FMNL1: variants seen among roughly 807,000 people sequenced by gnomAD.
FMNL1 encodes the protein formin like 1.
FMNL1 carries 43 observed loss-of-function variants against 121.3 expected under a neutral mutation model. The ratio of observed to expected loss-of-function variants is 0.35; its 90% CI spans 0.28 to 0.46. The LOEUF is 0.46. Ranked by LOEUF, FMNL1 falls within the 20% of genes least tolerant of loss-of-function variation. The probability of loss-of-function intolerance (pLI) is 1.00; values close to 1 mark genes in which losing one functional copy is unlikely to be tolerated. For missense variants in FMNL1, 1,191 were observed against 1,482.4 expected (o/e 0.80, Z 3.23); for synonymous variants, 613 against 613.5 (o/e 1.00, Z 0.01).
chr17:45,241,339 G>A lies in FMNL1; in HGVS notation c.1333-43G>A, dbSNP rs759054832. ...GAAGAAGATGGAGGCTTGGTGCCAAGGAGCCTGCTGGTGGGCACTGACCCC... is the reference window on the plus strand; with the variant it reads ...GAAGAAGATGGAGGCTTGGTGCCAAAGAGCCTGCTGGTGGGCACTGACCCC... On this transcript the variant is annotated intron_variant, in intron 13 of 26. Transcript: ENST00000331495. The surrounding 1 kb of genome is among the most constrained non-coding windows in gnomAD (Gnocchi z 7.0). 1.9e-6 allele frequency: 3 copies of A among 1,586,904 alleles called. No individual in the cohort carries two copies. In the Admixed American group the frequency reaches 5.3e-5, roughly 28 times the overall value.
chr17:45,229,986 CCT>C (rs961600648), intron 1 of FMNL1, among the ~76,000 whole-genome samples: 1 of 152,218 alleles, frequency 6.6e-6, no homozygotes, highest in Non-Finnish European at 1.5e-5. Flanking sequence ...CTCCCCCAGC[CCT>C]CTCCTTCCTT....
At chr17:45,229,509 A>G (rs1312061049) in intron 1 of FMNL1, among the ~76,000 whole-genome samples, 1 of 152,200 alleles carries the variant, frequency 6.6e-6, no homozygotes, top group Non-Finnish European at 1.5e-5. Flanking sequence ...AGGGTCTCCC[A>G]CATCCCCGAT....
intron 1 of FMNL1, among the ~76,000 whole-genome samples, chr17:45,227,777 T>C (rs1394090683): frequency 6.6e-6 from 1 of 152,158 alleles, no homozygotes; most frequent in African/African-American, 2.4e-5. Flanking sequence ...TCTCACTGAG[T>C]GTTCCAGGAG....
In FMNL1 at chr17:45,237,084, C is replaced by G. The variant is rs1178163337; in HGVS notation, c.724-197C>G. Reference sequence around the variant, plus strand: ...GGTGAGCTGAGATGGCGCCACTGCGCTCCAGCCTGGGTGACAGAGGGAAAC... The same window carrying G: ...GGTGAGCTGAGATGGCGCCACTGCGGTCCAGCCTGGGTGACAGAGGGAAAC... On this transcript the variant is annotated intron_variant, in intron 7 of 26. Transcript: ENST00000331495. The surrounding 1 kb of genome is among the most constrained non-coding windows in gnomAD (Gnocchi z 4.4). 6.6e-6 allele frequency among the ~76,000 whole-genome samples: 1 copy of G among 152,210 alleles called. No homozygotes were observed. The highest frequency in any genetic ancestry group is 2.4e-5 in the African/African-American group (1 of 41,452).
chr17:45,230,701 C>G lies in FMNL1; in HGVS notation c.213+14C>G. 1 of 1,613,054 alleles carries G rather than the reference C, an allele frequency of 6.2e-7. No individual in the cohort carries two copies. Among genetic ancestry groups the G allele is most frequent in the South Asian group, 1.1e-5 (1 of 91,054 alleles). On this transcript the variant is annotated intron_variant, in intron 2 of 26. Transcript: ENST00000331495. ...ATCTGTGATCAGGTAGGTGCCAGCA[C>G]TGCCCAGCCACCCCTTCCCTCCCAC...
rs73319101 is a variant in FMNL1 at position 45,231,677 on chromosome 17, C to G, written c.214-690C>G. Among the ~76,000 whole-genome samples the G allele has an allele frequency of 0.013, 1,971 of 152,066 alleles. 39 individuals carry two copies. Among genetic ancestry groups the G allele is most frequent in the African/African-American group, 0.045 (1,858 of 41,460 alleles). On this transcript the variant is annotated intron_variant, in intron 2 of 26. Coordinates refer to ENST00000331495, the MANE Select transcript of FMNL1 (RefSeq NM_005892.4). This position sits in a 1 kb window ranked among gnomAD's most constrained non-coding sequence, Gnocchi z 4.7. ...CTCTTTGTGTGAGTGGCCGCTGGAG[C>G]CTGCAGTGGGGTGGGGGGATTAGGA...
intron 1 of FMNL1, among the ~76,000 whole-genome samples, chr17:45,227,848 G>C (rs886169980): frequency 1.3e-5 from 2 of 152,162 alleles, no homozygotes; most frequent in African/African-American, 2.4e-5. Context: ...GGAAGCTGAG[G>C]TCCAAGGGGG....
intron 1 of FMNL1, among the ~76,000 whole-genome samples, chr17:45,229,395 G>A (rs546421901): frequency 6.6e-6 from 1 of 152,326 alleles, no homozygotes; most frequent in African/African-American, 2.4e-5. Flanking sequence ...TGGCTGGGGA[G>A]TCTCAGGTGG....
intron 17 of FMNL1, 40 bp from the exon 18 acceptor site, chr17:45,243,751 T>G (rs1598210402): frequency 6.4e-7 from 1 of 1,574,692 alleles, no homozygotes; most frequent in Non-Finnish European, 8.7e-7. Flanking sequence ...GACTGGTGGG[T>G]ATGGATGATG....
intron 1 of FMNL1, among the ~76,000 whole-genome samples, chr17:45,225,858 T>G (rs1046096092): frequency 6.6e-6 from 1 of 152,126 alleles, no homozygotes; most frequent in African/African-American, 2.4e-5. Flanking sequence ...AAGAGAATAA[T>G]AATGGCATCT....
At position 45,246,955 on chromosome 17, in the gene FMNL1, C is replaced by G. The variant is rs775966160; in HGVS notation, c.*97C>G. The G allele has an allele frequency of 1.3e-6, 1 of 751,190 alleles. No homozygotes were observed. Among genetic ancestry groups the G allele is most frequent in the Admixed American group, 1.8e-5 (1 of 56,944 alleles). 46.5% of individuals were successfully genotyped at this position (751,190 alleles called of 1,614,324 possible). ...CGGGCCCCCCACTGCAGGTCACCTCCGACCTCTCGCTGTAGCCGCTATTTC... is the reference window on the plus strand; with the variant it reads ...CGGGCCCCCCACTGCAGGTCACCTCGGACCTCTCGCTGTAGCCGCTATTTC... On this transcript the variant is annotated 3_prime_UTR_variant, in exon 27 of 27. Coordinates refer to ENST00000331495, the MANE Select transcript of FMNL1 (RefSeq NM_005892.4).
Position 45,242,026 on chromosome 17 carries a change from C to T in FMNL1, c.1765C>T (p.Pro589Ser), listed in dbSNP as rs1258794359. ...GCCCGGAGACCTGCCGCCCCCACCC[C>T]CGCCACCGCCACCACCTCCGGGCAC... Reference protein sequence around the residue: ...PLPGDLPPPPPPPPPPPGTDG... With the variant: ...PLPGDLPPPPSPPPPPPGTDG... The change falls in exon 15 of 27, where the codon CCG becomes TCG. Residue 589 changes from proline (P) to serine (S), a missense_variant. Pro to Ser is a moderately conservative substitution (Grantham distance 74). Around this residue, in one of 4 missense-constraint regions of FMNL1, gnomAD observed 519 missense variants for 492.8 expected, o/e 1.05. Coordinates refer to ENST00000331495, the MANE Select transcript of FMNL1 (RefSeq NM_005892.4). 1.5e-6 allele frequency: 2 copies of T among 1,356,668 alleles called. No individual in the cohort carries two copies. The highest frequency in any genetic ancestry group is 3.1e-5 in the African/African-American group (2 of 64,078). 84.0% of individuals were successfully genotyped at this position (1,356,668 alleles called of 1,614,324 possible). A position where few individuals can be genotyped will look rare whatever the true frequency, so the allele number is the denominator to read the frequency against.
At chr17:45,223,499 T>A (rs1240866353) in intron 1 of FMNL1, among the ~76,000 whole-genome samples, 1 of 152,106 alleles carries the variant, frequency 6.6e-6, no homozygotes, top group Non-Finnish European at 1.5e-5. Context: ...GAGGGATCCA[T>A]CCTTGTGAAG....
At chr17:45,229,894 G>T (rs892811114) in intron 1 of FMNL1, among the ~76,000 whole-genome samples, 3 of 152,256 alleles carry the variant, frequency 2.0e-5, no homozygotes. Context: ...CAGTGCTGTG[G>T]CCGAGTGACC....
Position 45,246,331 on chromosome 17 carries a change from G to GT in FMNL1, c.3211+2dup. ...GGGGCCATTGAAGACATCATCACAG[G>GT]TAAGGGCTTGGCCAGGCCTTGGTCT... On this transcript the variant is annotated splice_donor_variant, in intron 25 of 26. Coordinates refer to ENST00000331495, the MANE Select transcript of FMNL1 (RefSeq NM_005892.4). LOFTEE classifies it high-confidence loss of function. 1 of 1,614,074 alleles carries GT rather than the reference G, an allele frequency of 6.2e-7. No homozygotes were observed.
chr17:45,230,761 G>A, intron 2 of FMNL1, 74 bp downstream of exon 2: 3 of 1,490,762 alleles, frequency 2.0e-6, no homozygotes, highest in Non-Finnish European at 9.2e-7. Context: ...CTGGGGCTAT[G>A]GGGAGAGGGG....
rs986429553 is a variant in FMNL1, at chr17:45,227,132, G to A, written c.130-3472G>A. Among the ~76,000 whole-genome samples, 12 of 152,240 alleles carry A rather than the reference G, an allele frequency of 7.9e-5. 1 individual carries two copies. The highest frequency in any genetic ancestry group is 5.9e-4 in the Admixed American group (9 of 15,296). On this transcript the variant is annotated intron_variant, in intron 1 of 26. Transcript: ENST00000331495. ...GCCCATCGGGCTGAGGAAAGCCTGTGGGGCTGGCCTGAGACTGGGATTGAT... is the reference window on the plus strand; with the variant it reads ...GCCCATCGGGCTGAGGAAAGCCTGTAGGGCTGGCCTGAGACTGGGATTGAT...
intron 6 of FMNL1, chr17:45,234,532 T>G (rs2043509385): frequency 2.8e-6 from 1 of 353,822 alleles, no homozygotes; most frequent in East Asian, 7.3e-5. Context: ...GGTGTGGTGG[T>G]GCACGCCTGT....
chr17:45,233,908 T>C lies in FMNL1; in HGVS notation c.486-164T>C. On this transcript the variant is annotated intron_variant, in intron 5 of 26. Coordinates refer to ENST00000331495, the MANE Select transcript of FMNL1 (RefSeq NM_005892.4). The surrounding 1 kb of genome is among the most constrained non-coding windows in gnomAD (Gnocchi z 4.1). ...AAGGCCTGCCCCCGACAGGGAGGGGTGGCCTCTCTTCCACCACTATGTTCA... is the reference window on the plus strand; with the variant it reads ...AAGGCCTGCCCCCGACAGGGAGGGGCGGCCTCTCTTCCACCACTATGTTCA... 1 of 1,311,110 alleles carries C rather than the reference T, an allele frequency of 7.6e-7. No individual in the cohort carries two copies. Among genetic ancestry groups the C allele is most frequent in the Admixed American group, 2.4e-5 (1 of 41,212 alleles). 81.2% of individuals were successfully genotyped at this position (1,311,110 alleles called of 1,614,324 possible).
Sources: allele counts gnomAD v4.1 joint callset (sites outside exome capture counted in the v4.1 genomes callset), GRCh38; gene constraint gnomAD v4.1.1; regional missense constraint gnomAD v4.1.1; non-coding constraint Gnocchi (gnomAD v3.1); transcripts MANE v1.5; gene names NCBI Gene and HGNC (gene_info 2026-07-23, HGNC 2026-07-21).